CRACR2A: variants seen among roughly 807,000 people sequenced by gnomAD.
The protein encoded by CRACR2A is EF-hand calcium-binding domain-containing protein 4B.
CRACR2A carries 79 observed loss-of-function variants against 90.5 expected under a neutral mutation model. The ratio of observed to expected loss-of-function variants is 0.87; its 90% CI spans 0.73 to 1.05. The LOEUF is 1.05. Ranked by LOEUF, CRACR2A falls within the 50% of genes least tolerant of loss-of-function variation. CRACR2A has a pLI of 0.00. For synonymous variants in CRACR2A, 338 were observed against 356.7 expected (o/e 0.95, Z 0.59); for missense variants, 823 against 897.2 (o/e 0.92, Z 1.06).
rs1341723746 is a variant in CRACR2A at position 3,746,707 on chromosome 12, A to G, written c.-387+6308T>C. Among the ~76,000 whole-genome samples the G allele has an allele frequency of 6.6e-6, 1 of 152,248 alleles. No homozygotes were observed. Among genetic ancestry groups the G allele is most frequent in the Non-Finnish European group, 1.5e-5 (1 of 68,038 alleles). On this transcript the variant is annotated intron_variant, in intron 1 of 19. Transcript: ENST00000440314. The surrounding 1 kb of genome is among the most constrained non-coding windows in gnomAD (Gnocchi z 4.4). ...CTGCAGGACCCTTTGCTGGCACAGC[A>G]GGGACTTAGCATGCATGGAAGCTAA...
At chr12:3,653,101 G>T (rs1944824381) in intron 10 of CRACR2A, among the ~76,000 whole-genome samples, 2 of 152,072 alleles carry the variant, frequency 1.3e-5, no homozygotes. Flanking sequence ...TCCTGCCTCA[G>T]CCTCCCGAGT....
chr12:3,655,915 G>A (rs532562506), intron 9 of CRACR2A, among the ~76,000 whole-genome samples: 7 of 152,312 alleles, frequency 4.6e-5, no homozygotes, highest in Admixed American at 3.9e-4. Flanking sequence ...ATATTCTAGA[G>A]GGAAGAAACT....
At chr12:3,680,207 C>A (rs753685512) in intron 5 of CRACR2A, 31 bp downstream of exon 5, 6 of 1,569,074 alleles carry the variant, frequency 3.8e-6, no homozygotes, top group Non-Finnish European at 5.3e-6. Flanking sequence ...GACCCATAAC[C>A]CTGAGGTCCC....
At position 3,746,363 on chromosome 12, in the gene CRACR2A, C is replaced by T. The variant is rs1220571030; in HGVS notation, c.-387+6652G>A. Among the ~76,000 whole-genome samples the T allele has an allele frequency of 1.3e-5, 2 of 151,746 alleles. No homozygotes were observed. The highest frequency in any genetic ancestry group is 2.9e-5 in the Non-Finnish European group (2 of 67,918). ...AGAGACACCAGAGAGCTCTCTCTCT[C>T]TCTCTCTCTCCCCATCTCTCTCTCC... is the stretch of plus-strand genomic sequence containing the variant. On this transcript the variant is annotated intron_variant, in intron 1 of 19. Transcript: ENST00000440314. This position sits in a 1 kb window ranked among gnomAD's most constrained non-coding sequence, Gnocchi z 4.4.
intron 3 of CRACR2A, among the ~76,000 whole-genome samples, chr12:3,709,319 T>A (rs1208389591): frequency 6.6e-6 from 1 of 152,260 alleles, no homozygotes; most frequent in Non-Finnish European, 1.5e-5. Flanking sequence ...GTAGAGATAA[T>A]CCAAATGAGT....
intron 4 of CRACR2A, among the ~76,000 whole-genome samples, chr12:3,689,282 G>C (rs1945614885): frequency 6.6e-6 from 1 of 152,152 alleles, no homozygotes; most frequent in Non-Finnish European, 1.5e-5. Context: ...GTTTTCAAGG[G>C]GAATGCTTCC....
At chr12:3,745,447 C>T (rs979959848) in intron 1 of CRACR2A, among the ~76,000 whole-genome samples, 4 of 151,390 alleles carry the variant, frequency 2.6e-5, no homozygotes, top group Non-Finnish European at 1.5e-5. Flanking sequence ...GGGAAGAAAG[C>T]CCCTAAAATT....
At chr12:3,632,322 AT>A (rs1198293700) in intron 15 of CRACR2A, among the ~76,000 whole-genome samples, 1 of 152,180 alleles carries the variant, frequency 6.6e-6, no homozygotes, top group Non-Finnish European at 1.5e-5. Flanking sequence ...AGTCTCAGGT[AT>A]TTCTTTATAG....
In CRACR2A at chr12:3,655,206, G is replaced by T. The variant is rs147921468; in HGVS notation, c.859-807C>A. Among the ~76,000 whole-genome samples the T allele has an allele frequency of 3.0e-3, 452 of 152,344 alleles. 3 individuals are homozygous for T. The highest frequency in any genetic ancestry group is 0.01 in the African/African-American group (431 of 41,568). On this transcript the variant is annotated intron_variant, in intron 9 of 19. Transcript: ENST00000440314. ...GGCTCCTGTGTAATCAGGCAAGCAT[G>T]CAGTAATTAAATCGAGTGGCAATCA... is the stretch of plus-strand genomic sequence containing the variant.
intron 4 of CRACR2A, among the ~76,000 whole-genome samples, chr12:3,682,949 A>G (rs1050678691): frequency 2.0e-5 from 3 of 151,876 alleles, no homozygotes; most frequent in African/African-American, 7.3e-5. Context: ...CACCCAGTTA[A>G]TTTTTGTATT....
At chr12:3,617,547 A>G (rs1565458683) in intron 18 of CRACR2A, among the ~76,000 whole-genome samples, 2 of 152,068 alleles carry the variant, frequency 1.3e-5, no homozygotes, top group African/African-American at 2.4e-5. Flanking sequence ...GTCATGAGGC[A>G]CTCCGGTAGG....
intron 4 of CRACR2A, among the ~76,000 whole-genome samples, chr12:3,695,404 T>A (rs1447840353): frequency 6.6e-6 from 1 of 152,062 alleles, no homozygotes; most frequent in African/African-American, 2.4e-5. Flanking sequence ...CAAAGAAGGG[T>A]AGGTTGGGCT....
rs1488220175 is a variant in CRACR2A, at chr12:3,633,931, C to T, written c.1603-195G>A. On this transcript the variant is annotated intron_variant, in intron 14 of 19. Coordinates refer to ENST00000440314, the MANE Select transcript of CRACR2A (RefSeq NM_001144958.2). This position sits in a 1 kb window ranked among gnomAD's most constrained non-coding sequence, Gnocchi z 4.5. ...GGTCTTGGGGCATGGAGGCTTTTTC[C>T]AGCATCCGCAGGAGGAAGGAGAAAC... is the stretch of plus-strand genomic sequence containing the variant. Among the ~76,000 whole-genome samples the T allele has an allele frequency of 2.0e-5, 3 of 152,164 alleles. No homozygotes were observed. The highest frequency in any genetic ancestry group is 4.4e-5 in the Non-Finnish European group (3 of 68,024).
At chr12:3,619,236 C>T (rs1325734305) in intron 18 of CRACR2A, 35 bp downstream of exon 18, 3 of 1,529,670 alleles carry the variant, frequency 2.0e-6, no homozygotes, top group Admixed American at 2.0e-5. Flanking sequence ...CGGGGTCACA[C>T]TCTGTCCAGA....
chr12:3,744,514 C>T (rs572868228), intron 1 of CRACR2A, among the ~76,000 whole-genome samples: 1 of 152,262 alleles, frequency 6.6e-6, no homozygotes, highest in South Asian at 2.1e-4. Flanking sequence ...TACACTGCCT[C>T]GGGTATGTTA....
At chr12:3,615,571 CAGAG>C in intron 19 of CRACR2A, 132 bp from the exon 20 acceptor site, 1 of 667,976 alleles carries the variant, frequency 1.5e-6, no homozygotes, top group South Asian at 1.9e-5. Context: ...ACCACGGCAT[CAGAG>C]AGAGTCCTGA....
chr12:3,673,533 G>A lies in CRACR2A; in HGVS notation c.584C>T (p.Ser195Phe). The A allele has an allele frequency of 6.2e-7, 1 of 1,614,072 alleles. No homozygotes were observed. The highest frequency in any genetic ancestry group is 1.1e-5 in the South Asian group (1 of 91,066). ...QLKKEEPHLL[S>F]NFEDFLTRII... ...TCTGGTCAGGAAGTCTTCAAAGTTG[G>A]ACAGTAAATGAGGTTCCTCCTTCTT... The change falls in exon 7 of 20, where the codon TCC (serine) becomes TTC (phenylalanine). Residue 195 changes from serine to phenylalanine, a missense_variant. By Grantham distance (155) the Ser-to-Phe change is radical (BLOSUM62 -2). Transcript: ENST00000440314.
rs242016 is a variant in CRACR2A at position 3,679,094 on chromosome 12, G to A, written c.345C>T (p.His115=). ...TTGGGTTATTCTGGCTGAAGAAGAA[G>A]TGACCTGGGGGGTGCAGGGCACAAG... ...TPQEFTTGFS[H]FFFSQNNPSQ... Residue 115 remains histidine (H), a synonymous_variant, in exon 6 of 20, where the codon CAC becomes CAT. Transcript: ENST00000440314. 252,636 of 1,609,798 alleles carry A rather than the reference G, an allele frequency of 0.16. 21,838 individuals are homozygous for A. The highest frequency in any genetic ancestry group is 0.18 in the Non-Finnish European group (211,058 of 1,177,316).
intron 5 of CRACR2A, 54 bp downstream of exon 5, chr12:3,680,184 A>T: frequency 7.0e-7 from 1 of 1,425,516 alleles, no homozygotes; most frequent in Non-Finnish European, 9.9e-7. Context: ...TGCACCTTAT[A>T]CAGTGTTAGG....
Sources: allele counts gnomAD v4.1 joint callset (sites outside exome capture counted in the v4.1 genomes callset), GRCh38; gene constraint gnomAD v4.1.1; non-coding constraint Gnocchi (gnomAD v3.1); transcripts MANE v1.5; gene names NCBI Gene and HGNC (gene_info 2026-07-23, HGNC 2026-07-21).